CNOT6: variants seen among roughly 807,000 people sequenced by gnomAD.
CNOT6 encodes carbon catabolite repression 4 protein.
Under a neutral mutation model 61.2 loss-of-function variants are expected in CNOT6, and 12 were observed. The observed-to-expected ratio is 0.20, with a 90% CI of 0.13 to 0.32. The LOEUF is 0.32. CNOT6 is among the 10% of genes least tolerant of loss of function. The pLI is 1.00. For missense variants in CNOT6, 405 were observed against 663.9 expected, an observed-to-expected ratio of 0.61 and a Z score of 4.28; for synonymous variants, 225 against 240.6, an observed-to-expected ratio of 0.94 and a Z score of 0.60.
intron 2 of CNOT6, among the ~76,000 whole-genome samples, chr5:180,532,834 T>C (rs564026727): frequency 6.6e-6 from 1 of 152,358 alleles, no homozygotes; most frequent in Admixed American, 6.5e-5. Context: ...GAGAAACATC[T>C]ACTTACGTTT....
intron 2 of CNOT6, among the ~76,000 whole-genome samples, chr5:180,542,845 T>C (rs1445989375): frequency 2.0e-5 from 3 of 152,198 alleles, no homozygotes; most frequent in Non-Finnish European, 4.4e-5. Flanking sequence ...TTTGGGTACT[T>C]ATGAGTATGT....
intron 1 of CNOT6, among the ~76,000 whole-genome samples, chr5:180,518,597 TAGCCTTGACCTCCCAGGCTCAGGTA>T (rs1757750740): frequency 6.6e-6 from 1 of 152,150 alleles, no homozygotes; most frequent in Non-Finnish European, 1.5e-5. Flanking sequence ...TAGCTCACTG[TAGCCTTGACCTCCCAGGCTCAGGTA>T]GTCCTGAGCC....
At chr5:180,500,763 G>A (rs988566345) in intron 1 of CNOT6, among the ~76,000 whole-genome samples, 3 of 152,114 alleles carry the variant, frequency 2.0e-5, no homozygotes, top group African/African-American at 7.2e-5. Flanking sequence ...TCCCAAGTAG[G>A]TTTATAGTGT....
chr5:180,545,460 A>AT (rs369065562), intron 2 of CNOT6, among the ~76,000 whole-genome samples: 33 of 151,778 alleles, frequency 2.2e-4, no homozygotes, highest in African/African-American at 6.3e-4. Flanking sequence ...GACACCTTGC[A>AT]TTTTTTTTGT....
Position 180,570,677 on chromosome 5 carries a change from A to G in CNOT6, c.1259-553A>G, listed in dbSNP as rs911128396. ...GTCCAGCCTTGCTAATTTGTGAATAAAATGTAAATGAAAGTATATTTTCAT... is the reference window on the plus strand; with the variant it reads ...GTCCAGCCTTGCTAATTTGTGAATAGAATGTAAATGAAAGTATATTTTCAT... On this transcript the variant is annotated intron_variant, in intron 10 of 11. Transcript: ENST00000261951. Among the ~76,000 whole-genome samples the G allele has an allele frequency of 5.9e-5, 9 of 152,378 alleles. No individual in the cohort carries two copies. The East Asian group carries it at 1.7e-3, about 29-fold the overall frequency.
In CNOT6 at chr5:180,563,238, CAG is replaced by C. The variant is rs1471184546; in HGVS notation, c.386-1248_386-1247del. Among the ~76,000 whole-genome samples, 4 of 141,910 alleles carry C rather than the reference CAG, an allele frequency of 2.8e-5. No homozygotes were observed. The East Asian group carries it at 6.0e-4, about 21-fold the overall frequency. 93.1% of individuals were successfully genotyped at this position (141,910 alleles called of 152,430 possible). Reference sequence around the variant, plus strand: ...TAAATTTTTTTTTTTTTTTTTGAGACAGAGTCTCGCTCTGTTGCCCAGGCTGG... The same window carrying C: ...TAAATTTTTTTTTTTTTTTTTGAGACAGTCTCGCTCTGTTGCCCAGGCTGG... On this transcript the variant is annotated intron_variant, in intron 4 of 11. Coordinates refer to ENST00000261951, the MANE Select transcript of CNOT6 (RefSeq NM_001370472.1).
At chr5:180,541,904 C>T (rs950548220) in intron 2 of CNOT6, among the ~76,000 whole-genome samples, 2 of 151,898 alleles carry the variant, frequency 1.3e-5, no homozygotes, top group Admixed American at 6.6e-5. Flanking sequence ...TGCCCCCTGG[C>T]TGTTTACAGG....
chr5:180,557,949 A>G lies in CNOT6; in HGVS notation c.385+4478A>G, dbSNP rs189610141. Among the ~76,000 whole-genome samples, 4 of 152,350 alleles carry G rather than the reference A, an allele frequency of 2.6e-5. No individual in the cohort carries two copies. The East Asian group carries it at 7.7e-4, about 29-fold the overall frequency. ...GTCGATGTCCAGTTGCTCCAGCAGC[A>G]TTATTGAAAGATGATCTTACCTTCA... is the stretch of plus-strand genomic sequence containing the variant. On this transcript the variant is annotated intron_variant, in intron 4 of 11. Coordinates refer to ENST00000261951, the MANE Select transcript of CNOT6 (RefSeq NM_001370472.1).
chr5:180,517,429 G>A (rs1384829928), intron 1 of CNOT6, among the ~76,000 whole-genome samples: 2 of 151,838 alleles, frequency 1.3e-5, no homozygotes, highest in Non-Finnish European at 2.9e-5. Context: ...GTACCCGGCC[G>A]TTTTTATAAT....
chr5:180,577,527 G>C lies in CNOT6; in HGVS notation c.*3327G>C, dbSNP rs1355639351. 6.6e-6 allele frequency: 1 copy of C among 152,552 alleles called. No individual in the cohort carries two copies. The highest frequency in any genetic ancestry group is 1.5e-5 in the Non-Finnish European group (1 of 68,030). 9.4% of individuals were successfully genotyped at this position (152,552 alleles called of 1,614,324 possible). ...GTACAGATGTTGCAGATAATTCCAAGAACTCCTTCAGCAGGTGTTCTTCAC... is the reference window on the plus strand; with the variant it reads ...GTACAGATGTTGCAGATAATTCCAACAACTCCTTCAGCAGGTGTTCTTCAC... On this transcript the variant is annotated 3_prime_UTR_variant, in exon 12 of 12. Transcript: ENST00000261951.
At chr5:180,524,170 A>T (rs1051695139) in intron 1 of CNOT6, among the ~76,000 whole-genome samples, 13 of 152,114 alleles carry the variant, frequency 8.5e-5, no homozygotes, top group South Asian at 2.1e-4. Context: ...TAGCTATTTT[A>T]AAAAAAATTC....
intron 2 of CNOT6, among the ~76,000 whole-genome samples, chr5:180,540,686 A>G (rs1215067665): frequency 6.6e-6 from 1 of 152,168 alleles, no homozygotes; most frequent in Admixed American, 6.5e-5. Context: ...CATTTTCGAC[A>G]TTTTAAACTT....
At chr5:180,506,685 G>C (rs1757143695) in intron 1 of CNOT6, among the ~76,000 whole-genome samples, 2 of 152,112 alleles carry the variant, frequency 1.3e-5, no homozygotes, top group Admixed American at 6.6e-5. Flanking sequence ...AGTATTTTTA[G>C]TTCTCTTGGA....
intron 4 of CNOT6, among the ~76,000 whole-genome samples, chr5:180,557,641 A>G (rs76323588): frequency 1.3e-5 from 2 of 152,274 alleles, no homozygotes; most frequent in African/African-American, 4.8e-5. Context: ...TGGTTTACAC[A>G]TATTTCTCTC....
intron 1 of CNOT6, among the ~76,000 whole-genome samples, chr5:180,502,388 T>C (rs967494230): frequency 6.6e-6 from 1 of 152,176 alleles, no homozygotes; most frequent in African/African-American, 2.4e-5. Context: ...TTGTCCTCAT[T>C]AGCGGTAGAG....
chr5:180,546,119 G>A (rs1461475015), intron 2 of CNOT6, among the ~76,000 whole-genome samples: 1 of 151,766 alleles, frequency 6.6e-6, no homozygotes, highest in Non-Finnish European at 1.5e-5. Context: ...TGGTCTCGAT[G>A]TCCTGACCTC....
chr5:180,511,121 G>A (rs114844599), intron 1 of CNOT6, among the ~76,000 whole-genome samples: 4,354 of 151,454 alleles, frequency 0.029, 92 homozygotes, highest in Middle Eastern at 0.044. Context: ...GTTTTTTTTG[G>A]CATATGTTTG....
At chr5:180,550,715 T>C (rs1438293962) in intron 3 of CNOT6, among the ~76,000 whole-genome samples, 3 of 152,170 alleles carry the variant, frequency 2.0e-5, no homozygotes, top group African/African-American at 7.2e-5. Context: ...TTATCCCACA[T>C]ACTTCCTCAT....
chr5:180,529,415 G>T (rs1303066164), intron 2 of CNOT6, 27 bp downstream of exon 2: 4 of 1,378,358 alleles, frequency 2.9e-6, no homozygotes, highest in Non-Finnish European at 4.1e-6. Flanking sequence ...TGAATTTATG[G>T]TATGGAAATT....
Sources: allele counts gnomAD v4.1 joint callset (sites outside exome capture counted in the v4.1 genomes callset), GRCh38; gene constraint gnomAD v4.1.1; transcripts MANE v1.5; gene names NCBI Gene and HGNC (gene_info 2026-07-23, HGNC 2026-07-21).